Variants in HDAC9 observed in about 807,000 individuals in gnomAD.
HDAC9 encodes MEF-2 interacting transcription repressor (MITR) protein.
In HDAC9, 41 loss-of-function variants were observed where a neutral mutation model predicts 139.4. The observed-to-expected ratio is 0.29, with a 90% CI of 0.23 to 0.38. The LOEUF is 0.38. Ranked by LOEUF, HDAC9 falls within the 10% of genes least tolerant of loss-of-function variation. The probability of loss-of-function intolerance (pLI) is 1.00; values close to 1 mark genes in which losing one functional copy is unlikely to be tolerated. For synonymous variants in HDAC9, 517 were observed against 476.2 expected (o/e 1.09, Z -1.12); for missense variants, 1,147 against 1,297.0 (o/e 0.88, Z 1.78).
chr7:18,706,724 C>G (rs1367515366), intron 12 of HDAC9, among the ~76,000 whole-genome samples: 1 of 152,062 alleles, frequency 6.6e-6, no homozygotes, highest in East Asian at 1.9e-4. Flanking sequence ...AAGGGTGCTG[C>G]TAAACATCTT....
intron 1 of HDAC9, among the ~76,000 whole-genome samples, chr7:18,294,370 G>A (rs1388566369): frequency 2.0e-5 from 3 of 151,990 alleles, no homozygotes; most frequent in African/African-American, 4.8e-5. Context: ...GCTGCTAGGG[G>A]TGTTGTATTA....
intron 17 of HDAC9, among the ~76,000 whole-genome samples, chr7:18,812,441 A>T (rs970282582): frequency 6.6e-6 from 1 of 151,978 alleles, no homozygotes; most frequent in Non-Finnish European, 1.5e-5. Context: ...GGTTAATATT[A>T]TCATTTGATA....
At chr7:18,520,396 A>G (rs1804649416) in intron 2 of HDAC9, among the ~76,000 whole-genome samples, 1 of 152,190 alleles carries the variant, frequency 6.6e-6, no homozygotes, top group Non-Finnish European at 1.5e-5. Context: ...ACTCACTATT[A>G]ATATTACTTT....
chr7:18,812,174 T>C (rs1173000500), intron 17 of HDAC9, among the ~76,000 whole-genome samples: 1 of 151,934 alleles, frequency 6.6e-6, no homozygotes, highest in African/African-American at 2.4e-5. Flanking sequence ...AATCCACAGA[T>C]ACAGAACCCA....
At chr7:18,139,500 C>T (rs1785726528) in intron 1 of HDAC9, among the ~76,000 whole-genome samples, 1 of 152,108 alleles carries the variant, frequency 6.6e-6, no homozygotes, top group South Asian at 2.1e-4. Context: ...AATCTATACA[C>T]ACTACGTTTG....
chr7:18,656,587 A>G (rs1462782989), intron 11 of HDAC9, among the ~76,000 whole-genome samples: 2 of 152,134 alleles, frequency 1.3e-5, no homozygotes, highest in Admixed American at 6.6e-5. Context: ...TTTTTGTTTA[A>G]TAATTCCATA....
chr7:18,380,195 A>G (rs940758049), intron 1 of HDAC9, among the ~76,000 whole-genome samples: 3 of 152,228 alleles, frequency 2.0e-5, no homozygotes, highest in African/African-American at 7.2e-5. Flanking sequence ...ACACAATAAG[A>G]TTAAAATCAA....
At chr7:18,359,161 G>C (rs1395071691) in intron 1 of HDAC9, among the ~76,000 whole-genome samples, 1 of 152,066 alleles carries the variant, frequency 6.6e-6, no homozygotes, top group Non-Finnish European at 1.5e-5. Flanking sequence ...TTCAATATCG[G>C]CCCAGACAAC....
intron 1 of HDAC9, among the ~76,000 whole-genome samples, chr7:18,131,259 T>C (rs1784982243): frequency 6.6e-6 from 1 of 152,146 alleles, no homozygotes; most frequent in African/African-American, 2.4e-5. Flanking sequence ...GCTCTCTGCT[T>C]TAAAAATAGA....
chr7:18,385,593 T>TAAC (rs1201888895), intron 1 of HDAC9, among the ~76,000 whole-genome samples: 2 of 152,158 alleles, frequency 1.3e-5, no homozygotes, highest in Non-Finnish European at 2.9e-5. Context: ...TAATCAGATA[T>TAAC]AACAATTTTC....
Position 18,441,085 on chromosome 7 carries a change from G to A in HDAC9, c.-41-55177G>A, listed in dbSNP as rs183861810. On this transcript the variant is annotated intron_variant, in intron 1 of 3. Transcript: ENST00000413509. ...ATCATGTTCCTTCATCTATAAAATG[G>A]ATATGATAATATCAAATTCTCATAA... 9.1e-4 allele frequency among the ~76,000 whole-genome samples: 138 copies of A among 152,298 alleles called. 1 individual carries two copies. The highest frequency in any genetic ancestry group is 1.8e-3 in the Non-Finnish European group (122 of 68,024).
intron 21 of HDAC9, among the ~76,000 whole-genome samples, chr7:18,846,426 C>T (rs1351478110): frequency 4.6e-5 from 7 of 152,098 alleles, no homozygotes; most frequent in African/African-American, 9.7e-5. Flanking sequence ...CATTAAATTC[C>T]GACTCTAGAT....
intron 12 of HDAC9, among the ~76,000 whole-genome samples, chr7:18,709,686 C>T (rs565126415): frequency 2.0e-4 from 30 of 152,188 alleles, no homozygotes; most frequent in Non-Finnish European, 1.5e-4. Flanking sequence ...CATTCTTCTC[C>T]CTTACAGGTT....
chr7:18,667,484 A>T (rs1795157800), intron 12 of HDAC9: 1 of 984,446 alleles, frequency 1.0e-6, no homozygotes. Context: ...TTAACAAAAA[A>T]ATTTACTTGT....
chr7:18,820,036 A>T (rs887984126), intron 17 of HDAC9, among the ~76,000 whole-genome samples: 6 of 152,182 alleles, frequency 3.9e-5, no homozygotes, highest in African/African-American at 7.2e-5. Context: ...TAAGATGCTC[A>T]TAAGTTTAAA....
chr7:18,520,155 A>G (rs1804567891), intron 2 of HDAC9, among the ~76,000 whole-genome samples: 2 of 152,172 alleles, frequency 1.3e-5, no homozygotes, highest in African/African-American at 2.4e-5. Flanking sequence ...AATAATTAAA[A>G]GTATTAATAA....
At chr7:18,969,903 G>C (rs770242897) in intron 24 of HDAC9, among the ~76,000 whole-genome samples, 13 of 152,058 alleles carry the variant, frequency 8.5e-5, no homozygotes, top group Admixed American at 3.3e-4. Context: ...GGAGATAAAA[G>C]ACAGTAACCA....
At chr7:18,157,804 TGA>T (rs67690215) in intron 1 of HDAC9, among the ~76,000 whole-genome samples, 9,388 of 109,102 alleles carry the variant, frequency 0.086, 344 homozygotes, top group Admixed American at 0.13. Flanking sequence ...TTCTAAGGCA[TGA>T]GAGAGAGAGA....
chr7:18,764,766 G>T (rs886079857), intron 15 of HDAC9, among the ~76,000 whole-genome samples: 1 of 151,968 alleles, frequency 6.6e-6, no homozygotes, highest in Non-Finnish European at 1.5e-5. Context: ...ACATCCCCCA[G>T]TTCCTCCCAA....
Sources: gnomAD v4.1 joint callset for allele counts (sites outside exome capture counted in the v4.1 genomes callset) on GRCh38, gnomAD v4.1.1 for gene constraint, MANE v1.5 for transcripts, NCBI Gene and HGNC (gene_info 2026-07-23, HGNC 2026-07-21) for gene names.